Variants in CHDH observed in about 807,000 individuals in gnomAD.
The protein encoded by CHDH is choline dehydrogenase, mitochondrial.
A neutral mutation model predicts 56.9 loss-of-function variants in CHDH; 43 were observed. The observed-to-expected ratio is 0.76, with a 90% CI of 0.59 to 0.97. The LOEUF (loss-of-function observed/expected upper bound fraction) is 0.97. Among genes scored for constraint, CHDH ranks in the 50% least tolerant of loss-of-function variants. CHDH has a pLI of 0.00. For synonymous variants in CHDH, 364 were observed against 348.5 expected (o/e 1.04, Z -0.50); for missense variants, 816 against 821.1 (o/e 0.99, Z 0.08).
chr3:53,822,407 G>A, intron 4 of CHDH, 84 bp downstream of exon 4: 1 of 1,325,042 alleles, frequency 7.5e-7, no homozygotes, highest in Non-Finnish European at 1.1e-6. Context: ...GGGGGTGAGG[G>A]CGTGACTCCT....
intron 2 of CHDH, among the ~76,000 whole-genome samples, chr3:53,825,232 A>AAATT (rs2095636867): frequency 6.6e-6 from 1 of 152,276 alleles, no homozygotes; most frequent in Admixed American, 6.5e-5. Flanking sequence ...ATTCAATAAA[A>AAATT]AATTAGGATA....
intron 4 of CHDH, among the ~76,000 whole-genome samples, 184 bp downstream of exon 4, chr3:53,822,307 C>A (rs1259295199): frequency 1.3e-5 from 2 of 151,464 alleles, no homozygotes; most frequent in African/African-American, 4.9e-5. Context: ...TTCTCGGTGG[C>A]AGGACTAGGG....
intron 2 of CHDH, among the ~76,000 whole-genome samples, chr3:53,835,894 C>T (rs1698478014): frequency 6.6e-6 from 1 of 152,182 alleles, no homozygotes; most frequent in Non-Finnish European, 1.5e-5. Context: ...GAGCCCCTGC[C>T]CCATGTCAAG....
chr3:53,821,863 G>A, intron 4 of CHDH, 87 bp from the exon 5 acceptor site: 2 of 1,530,952 alleles, frequency 1.3e-6, no homozygotes, highest in South Asian at 2.4e-5. Flanking sequence ...CCAGCACCAT[G>A]AGAACACAGC....
chr3:53,819,561 G>A lies in CHDH; in HGVS notation c.1234C>T (p.Arg412Trp), dbSNP rs774317689. ...TAAGCCTCCTGCTGGGTGGGGACCC[G>A]CCCGTGGTCAATCACTTGGGATGGC... ...FLPSQVIDHG[R>W]VPTQQEAYQV... Residue 412 changes from arginine (R) to tryptophan (W), a missense_variant, in exon 7 of 9, where the codon CGG (arginine) becomes TGG (tryptophan). Transcript: ENST00000315251. The surrounding 1 kb of genome is among the most constrained non-coding windows in gnomAD (Gnocchi z 5.4). 5.6e-6 allele frequency: 9 copies of A among 1,612,252 alleles called. No individual in the cohort carries two copies. The highest frequency in any genetic ancestry group is 2.2e-5 in the South Asian group (2 of 90,864).
intron 1 of CHDH, among the ~76,000 whole-genome samples, chr3:53,842,736 CTGGGAACAG>C (rs1698712372): frequency 6.6e-6 from 1 of 152,192 alleles, no homozygotes; most frequent in Admixed American, 6.5e-5. Context: ...TGTAGCCCTG[CTGGGAACAG>C]TGGGGTGCAA....
chr3:53,838,721 G>A lies in CHDH; in HGVS notation c.-60+2208C>T, dbSNP rs149959007. On this transcript the variant is annotated intron_variant, in intron 2 of 8. Coordinates refer to ENST00000315251, the MANE Select transcript of CHDH (RefSeq NM_018397.5). ...TGCCATGTGCATTCACTTACAGACA[G>A]CAGTGGGGGAGAGCTAGAAGCTCCC... Among the ~76,000 whole-genome samples, 392 of 152,312 alleles carry A rather than the reference G, an allele frequency of 2.6e-3. 3 individuals are homozygous for A. The highest frequency in any genetic ancestry group is 8.9e-3 in the African/African-American group (371 of 41,566).
At chr3:53,839,825 G>A (rs1313117863) in intron 2 of CHDH, among the ~76,000 whole-genome samples, 1 of 152,186 alleles carries the variant, frequency 6.6e-6, no homozygotes, top group Admixed American at 6.5e-5. Flanking sequence ...ACCCATTAAT[G>A]GACAAACAGA....
intron 2 of CHDH, among the ~76,000 whole-genome samples, chr3:53,838,607 G>A (rs1416815749): frequency 1.3e-5 from 2 of 152,186 alleles, no homozygotes; most frequent in African/African-American, 4.8e-5. Flanking sequence ...CTCTCCAGGG[G>A]AGATGAAGGC....
At chr3:53,829,119 A>C (rs1017431087) in intron 2 of CHDH, among the ~76,000 whole-genome samples, 1 of 152,210 alleles carries the variant, frequency 6.6e-6, no homozygotes, top group Non-Finnish European at 1.5e-5. Context: ...ACTTAAATGC[A>C]TAATTACTAA....
At position 53,813,998 on chromosome 3, in the gene CHDH, C is replaced by G. The variant is rs1011234264; in HGVS notation, c.*3779G>C. The G allele has an allele frequency of 6.6e-5, 10 of 152,242 alleles. No individual in the cohort carries two copies. Among genetic ancestry groups the G allele is most frequent in the Admixed American group, 5.2e-4 (8 of 15,284 alleles). 9.4% of individuals were successfully genotyped at this position (152,242 alleles called of 1,614,324 possible). On this transcript the variant is annotated 3_prime_UTR_variant, in exon 9 of 9. Transcript: ENST00000315251. ...CTATGGACTCCGACATCCACCCAGA[C>G]AGCTGGATCTCGCTTCACCATGTGG... is the stretch of plus-strand genomic sequence containing the variant.
Position 53,823,708 on chromosome 3 carries a change from C to G in CHDH, c.301G>C (p.Asp101His). The G allele has an allele frequency of 6.4e-7, 1 of 1,550,574 alleles. No homozygotes were observed. The highest frequency in any genetic ancestry group is 8.7e-7 in the Non-Finnish European group (1 of 1,147,952). The change falls in exon 3 of 9, where the codon GAC becomes CAC. Residue 101 changes from aspartate to histidine, a missense_variant. Asp to His is a moderately conservative substitution (Grantham distance 81). Coordinates refer to ENST00000315251, the MANE Select transcript of CHDH (RefSeq NM_018397.5). ...GTGTGGTAGCACCAGTTGTACCTGTCGTCGCACAGGTTGGCCACCAGGGCC... is the reference window on the plus strand; with the variant it reads ...GTGTGGTAGCACCAGTTGTACCTGTGGTCGCACAGGTTGGCCACCAGGGCC... ...PAALVANLCD[D>H]RYNWCYHTEV...
chr3:53,822,764 A>G, intron 3 of CHDH, 122 bp from the exon 4 acceptor site: 2 of 1,278,918 alleles, frequency 1.6e-6, no homozygotes, highest in South Asian at 2.9e-5. Context: ...CCCGCCTTCA[A>G]AGTAAAGCTG....
chr3:53,823,843 C>A lies in CHDH; in HGVS notation c.166G>T (p.Ala56Ser). The A allele has an allele frequency of 1.3e-6, 2 of 1,587,574 alleles. No individual in the cohort carries two copies. Among genetic ancestry groups the A allele is most frequent in the Non-Finnish European group, 1.7e-6 (2 of 1,174,496 alleles). Reference protein sequence around the residue: ...VGAGSAGCVLAGRLTEDPAER... With the variant: ...VGAGSAGCVLSGRLTEDPAER... ...GCGGGGTCCTCCGTGAGCCTCCCAG[C>A]CAGCACGCAGCCCGCCGAGCCCGCG... is the stretch of plus-strand genomic sequence containing the variant. Residue 56 changes from alanine (A) to serine (S), a missense_variant, in exon 3 of 9, where the codon GCT (alanine) becomes TCT (serine). Physicochemically the swap from Ala to Ser is moderately conservative, Grantham distance 99. Coordinates refer to ENST00000315251, the MANE Select transcript of CHDH (RefSeq NM_018397.5).
At chr3:53,842,550 A>G (rs1206908195) in intron 1 of CHDH, among the ~76,000 whole-genome samples, 1 of 152,204 alleles carries the variant, frequency 6.6e-6, no homozygotes, top group Non-Finnish European at 1.5e-5. Context: ...AATCAATGCA[A>G]GTACCCAGGA....
chr3:53,820,381 A>T, intron 6 of CHDH, 93 bp downstream of exon 6: 1 of 1,448,510 alleles, frequency 6.9e-7, no homozygotes, highest in Non-Finnish European at 9.3e-7. Flanking sequence ...TCCGCATCAA[A>T]CCCAGTGGCC....
intron 2 of CHDH, among the ~76,000 whole-genome samples, chr3:53,839,756 C>T (rs1698615080): frequency 6.6e-6 from 1 of 152,230 alleles, no homozygotes; most frequent in South Asian, 2.1e-4. Context: ...GAGATATCTG[C>T]ACATTCATGT....
In CHDH at chr3:53,813,424, C is replaced by CTT. The variant is rs982832717; in HGVS notation, c.*4351_*4352dup. ...GGGCAGCTCTGAAATTATGGATATT[C>CTT]TTATCCTCCTGGTTCCTTCGGTGCC... On this transcript the variant is annotated 3_prime_UTR_variant, in exon 9 of 9. Transcript: ENST00000315251. 1.3e-5 allele frequency: 2 copies of CTT among 152,226 alleles called. No homozygotes were observed. The highest frequency in any genetic ancestry group is 2.9e-5 in the Non-Finnish European group (2 of 68,048). The allele number at this position is 152,226 out of a possible 1,614,324, so 9.4% of individuals were successfully genotyped here. A position where few individuals can be genotyped will look rare whatever the true frequency, so the allele number is the denominator to read the frequency against.
Position 53,818,098 on chromosome 3 carries a change from T to G in CHDH, c.1464A>C (p.Pro488=), listed in dbSNP as rs1352214021. The G allele has an allele frequency of 6.2e-7, 1 of 1,614,122 alleles. No homozygotes were observed. The highest frequency in any genetic ancestry group is 8.5e-7 in the Non-Finnish European group (1 of 1,179,978). Residue 488 remains proline (P), a synonymous_variant, in exon 9 of 9, where the codon CCA becomes CCC. Coordinates refer to ENST00000315251, the MANE Select transcript of CHDH (RefSeq NM_018397.5). ...CTTTATCTGACTGAATGTGGCTTCCTGGCTGGAGCTCTTTCCCTCGGAACG... is the reference window on the plus strand; with the variant it reads ...CTTTATCTGACTGAATGTGGCTTCCGGGCTGGAGCTCTTTCCCTCGGAACG... The part of the protein sequence containing the change: ...LAPFRGKELQ[P]GSHIQSDKEI...
Sources: gnomAD v4.1 joint callset for allele counts (sites outside exome capture counted in the v4.1 genomes callset) on GRCh38, gnomAD v4.1.1 for gene constraint, Gnocchi (gnomAD v3.1) non-coding constraint, MANE v1.5 for transcripts, NCBI Gene and HGNC (gene_info 2026-07-23, HGNC 2026-07-21) for gene names.